Variants in TRAPPC10 observed in about 807,000 individuals in gnomAD.
TRAPPC10 encodes the protein TRAPP 130 kDa subunit.
Under a neutral mutation model 125.5 loss-of-function variants are expected in TRAPPC10, and 23 were observed. The ratio of observed to expected loss-of-function variants is 0.18; its 90% confidence interval spans 0.13 to 0.26. The LOEUF is 0.26. Among genes scored for constraint, TRAPPC10 ranks in the 10% least tolerant of loss-of-function variants. The pLI is 1.00. For missense variants in TRAPPC10, 1,123 were observed against 1,308.4 expected, an observed-to-expected ratio of 0.86 and a Z score of 2.19; for synonymous variants, 509 against 518.0, an observed-to-expected ratio of 0.98 and a Z score of 0.24.
At chr21:44,062,887 A>G (rs1376312244) in intron 6 of TRAPPC10, 3 of 985,324 alleles carry the variant, frequency 3.0e-6, no homozygotes, top group Non-Finnish European at 3.6e-6. Context: ...TTTTTCAATA[A>G]TGATTGATGG....
At chr21:44,086,184 T>C (rs2146144594) in intron 15 of TRAPPC10, among the ~76,000 whole-genome samples, 1 of 152,330 alleles carries the variant, frequency 6.6e-6, no homozygotes, top group African/African-American at 2.4e-5. Flanking sequence ...ATGGCCTGGC[T>C]CCTGCTTCCT....
chr21:44,036,315 G>A (rs1042841984), intron 2 of TRAPPC10, among the ~76,000 whole-genome samples: 2 of 152,216 alleles, frequency 1.3e-5, no homozygotes, highest in African/African-American at 4.8e-5. Context: ...AAGTACCCCA[G>A]ACCCTAGAAT....
Position 44,084,220 on chromosome 21 carries a change from C to G in TRAPPC10, c.2337C>G (p.Asp779Glu). 6.2e-7 allele frequency: 1 copy of G among 1,614,090 alleles called. No individual in the cohort carries two copies. Among genetic ancestry groups the G allele is most frequent in the Non-Finnish European group, 8.5e-7 (1 of 1,179,986 alleles). ...ACATCTACCCCATTGTGCAGTACGA[C>G]GTGTACTCACAGGAGCCCCAGCTGC... ...LPHIYPIVQY[D>E]VYSQEPQLHV... Residue 779 changes from aspartate to glutamate, a missense_variant, in exon 15 of 23, where the codon GAC becomes GAG. By Grantham distance (45) the Asp-to-Glu change is conservative. This residue lies in a region of TRAPPC10 where 840 missense variants were observed against 902.0 expected (regional missense o/e 0.93). Coordinates refer to ENST00000291574, the MANE Select transcript of TRAPPC10 (RefSeq NM_003274.5).
chr21:44,084,336 G>A (rs2037975947), intron 15 of TRAPPC10, 73 bp downstream of exon 15: 3 of 1,462,016 alleles, frequency 2.1e-6, no homozygotes, highest in Non-Finnish European at 1.8e-6. Flanking sequence ...GAGATGCCAG[G>A]CTTCTCATAA....
At chr21:44,064,041 T>C (rs917068990) in intron 7 of TRAPPC10, among the ~76,000 whole-genome samples, 1 of 152,200 alleles carries the variant, frequency 6.6e-6, no homozygotes, top group African/African-American at 2.4e-5. Flanking sequence ...TCAGTGAAGC[T>C]CACTGGCTGA....
At position 44,026,634 on chromosome 21, in the gene TRAPPC10, CA is replaced by C. The variant is rs1182636445; in HGVS notation, c.68-5453del. 3.3e-5 allele frequency among the ~76,000 whole-genome samples: 5 copies of C among 152,304 alleles called. No homozygotes were observed. The East Asian group carries it at 9.6e-4, about 29-fold the overall frequency. ...TAGGCTTAAAGAATTATTATTTCTG[CA>C]AAATTTTCTGTAAAGCAAATCTTAG... is the stretch of plus-strand genomic sequence containing the variant. On this transcript the variant is annotated intron_variant, in intron 1 of 22. Transcript: ENST00000291574.
chr21:44,054,043 T>G (rs2035399608), intron 4 of TRAPPC10, among the ~76,000 whole-genome samples: 2 of 152,192 alleles, frequency 1.3e-5, no homozygotes, highest in South Asian at 4.1e-4. Flanking sequence ...CCATTTCCAT[T>G]CACCCCTGTA....
chr21:44,014,794 A>T (rs760771240), intron 1 of TRAPPC10, among the ~76,000 whole-genome samples: 9 of 152,118 alleles, frequency 5.9e-5, no homozygotes, highest in Non-Finnish European at 1.0e-4. Flanking sequence ...GCAAACTTTC[A>T]TTCATTGGAG....
rs183560800 is a variant in TRAPPC10, at chr21:44,080,312, C to T, written c.1723+185C>T. ...TTGCTTTAAGTCAAACTCTAGACCA[C>T]ATTAGATCTTCTAAAAATAAGGACA... On this transcript the variant is annotated intron_variant, in intron 13 of 22. Transcript: ENST00000291574. Among the ~76,000 whole-genome samples, 73 of 152,212 alleles carry T rather than the reference C, an allele frequency of 4.8e-4. 1 individual carries two copies. In the Middle Eastern group the frequency reaches 0.02, roughly 43 times the overall value.
At position 44,082,626 on chromosome 21, in the gene TRAPPC10, T is replaced by TGG. The variant is rs2037833139; in HGVS notation, c.1724-157_1724-156dup. On this transcript the variant is annotated intron_variant, in intron 13 of 22. Coordinates refer to ENST00000291574, the MANE Select transcript of TRAPPC10 (RefSeq NM_003274.5). This position sits in a 1 kb window ranked among gnomAD's most constrained non-coding sequence, Gnocchi z 4.4. Reference sequence around the variant, plus strand: ...ATTCTGCTTTTGATACAATAGCCTTTGGGGGGTGTGAAGATGGCAGGAGGC... The same window carrying TGG: ...ATTCTGCTTTTGATACAATAGCCTTTGGGGGGGGTGTGAAGATGGCAGGAGGC... 1.3e-5 allele frequency among the ~76,000 whole-genome samples: 2 copies of TGG among 152,020 alleles called. No individual in the cohort carries two copies. The highest frequency in any genetic ancestry group is 2.9e-5 in the Non-Finnish European group (2 of 67,982).
Position 44,060,915 on chromosome 21 carries a change from T to TACACACACACACAC in TRAPPC10, c.790+1720_790+1733dup, listed in dbSNP as rs34848979. On this transcript the variant is annotated intron_variant, in intron 6 of 22. Coordinates refer to ENST00000291574, the MANE Select transcript of TRAPPC10 (RefSeq NM_003274.5). ...CATGCCCAGCCTATACATACATACATACACACACACACACACACACACACA... is the reference window on the plus strand; with the variant it reads ...CATGCCCAGCCTATACATACATACATACACACACACACACACACACACACACACACACACACACA... Among the ~76,000 whole-genome samples the TACACACACACACAC allele has an allele frequency of 2.6e-3, 350 of 132,248 alleles. 5 individuals carry two copies. The highest frequency in any genetic ancestry group is 0.012 in the Middle Eastern group (3 of 250). The allele number at this position is 132,248 out of a possible 152,430, so 86.8% of individuals were successfully genotyped here. A position where few individuals can be genotyped will look rare whatever the true frequency, so the allele number is the denominator to read the frequency against.
At chr21:44,018,852 T>A (rs1034179268) in intron 1 of TRAPPC10, among the ~76,000 whole-genome samples, 6 of 152,164 alleles carry the variant, frequency 3.9e-5, no homozygotes, top group African/African-American at 1.4e-4. Flanking sequence ...TACAAATAAC[T>A]GACTTAAGGA....
At chr21:44,047,567 C>T (rs9974857) in intron 3 of TRAPPC10, among the ~76,000 whole-genome samples, 17,175 of 118,316 alleles carry the variant, frequency 0.15, 1,746 homozygotes, top group African/African-American at 0.38. Context: ...TGTGTGTGTG[C>T]GCGCACACGC....
At chr21:44,084,773 C>T (rs988308559) in intron 15 of TRAPPC10, among the ~76,000 whole-genome samples, 1 of 152,190 alleles carries the variant, frequency 6.6e-6, no homozygotes, top group Non-Finnish European at 1.5e-5. Context: ...TGCTTGTGCT[C>T]CTGACCAACT....
At chr21:44,076,517 A>C in intron 9 of TRAPPC10, 35 bp from the exon 10 acceptor site, 2 of 1,536,106 alleles carry the variant, frequency 1.3e-6, no homozygotes, top group Non-Finnish European at 1.8e-6. Context: ...GACATGATGA[A>C]GATGAAGAGG....
At chr21:44,029,121 G>A (rs774679007) in intron 1 of TRAPPC10, among the ~76,000 whole-genome samples, 17 of 152,168 alleles carry the variant, frequency 1.1e-4, no homozygotes, top group Non-Finnish European at 1.9e-4. Context: ...TTGAGACGGA[G>A]TCTCGCTCTG....
rs77628184 is a variant in TRAPPC10, at chr21:44,063,192, C to T, written c.791-346C>T. ...AGGTAAAGATAAGGAAGCCCAGCCC[C>T]GCTGCAGCCTAAGACTAGAGCCCTC... On this transcript the variant is annotated intron_variant, in intron 6 of 22. Transcript: ENST00000291574. This position sits in a 1 kb window ranked among gnomAD's most constrained non-coding sequence, Gnocchi z 4.4. 4,975 of 1,284,884 alleles carry T rather than the reference C, an allele frequency of 3.9e-3. 131 individuals carry two copies. The African/African-American group carries it at 0.061, about 16-fold the overall frequency. 79.6% of individuals were successfully genotyped at this position (1,284,884 alleles called of 1,614,324 possible).
At chr21:44,056,087 A>G (rs2092772623) in intron 5 of TRAPPC10, among the ~76,000 whole-genome samples, 194 bp downstream of exon 5, 2 of 152,136 alleles carry the variant, frequency 1.3e-5, no homozygotes, top group Admixed American at 6.6e-5. Flanking sequence ...CATGAAAAGG[A>G]CACACACACT....
At position 44,059,095 on chromosome 21, in the gene TRAPPC10, GC is replaced by G. The variant is rs1267078632; in HGVS notation, c.679-7del. 1.9e-6 allele frequency: 3 copies of G among 1,578,968 alleles called. No individual in the cohort carries two copies. The African/African-American group carries it at 4.1e-5, about 22-fold the overall frequency. On this transcript the variant is annotated splice_region_variant and splice_polypyrimidine_tract_variant and intron_variant, in intron 5 of 22. Coordinates refer to ENST00000291574, the MANE Select transcript of TRAPPC10 (RefSeq NM_003274.5). This position sits in a 1 kb window ranked among gnomAD's most constrained non-coding sequence, Gnocchi z 4.4. ...TGTTTTTTTAAAAAACGTATCTTGG[GC>G]GAATAGGAGGAGCTTGCCTTTGTTT...
Sources: gnomAD v4.1 joint callset for allele counts (sites outside exome capture counted in the v4.1 genomes callset) on GRCh38, gnomAD v4.1.1 for gene constraint, gnomAD v4.1.1 regional missense constraint, Gnocchi (gnomAD v3.1) non-coding constraint, MANE v1.5 for transcripts, NCBI Gene and HGNC (gene_info 2026-07-23, HGNC 2026-07-21) for gene names.